The following NPAS3 variants were observed in gnomAD, a reference collection of about 807,000 sequenced individuals.
NPAS3 encodes the protein neuronal PAS domain-containing protein 3.
NPAS3 carries 14 observed loss-of-function variants against 73.1 expected under a neutral mutation model. The ratio of observed to expected loss-of-function variants is 0.19; its 90% CI spans 0.13 to 0.30. NPAS3 has a LOEUF of 0.30. Ranked by LOEUF, NPAS3 falls within the 10% of genes least tolerant of loss-of-function variation. The probability of loss-of-function intolerance (pLI) is 1.00; values close to 1 mark genes in which losing one functional copy is unlikely to be tolerated. For synonymous variants in NPAS3, 620 were observed against 541.5 expected (o/e 1.14, Z -2.01); for missense variants, 1,096 against 1,250.0 (o/e 0.88, Z 1.86).
At chr14:33,618,482 G>A (rs1294228613) in intron 5 of NPAS3, among the ~76,000 whole-genome samples, 1 of 152,074 alleles carries the variant, frequency 6.6e-6, no homozygotes, top group Non-Finnish European at 1.5e-5. Context: ...ATGCTCCTAT[G>A]AAGATCTAAA....
intron 2 of NPAS3, among the ~76,000 whole-genome samples, chr14:33,198,204 T>A (rs933547771): frequency 3.3e-5 from 5 of 152,164 alleles, no homozygotes; most frequent in Non-Finnish European, 7.3e-5. Flanking sequence ...CAGCAAGAGT[T>A]ATTGCAAAGA....
At chr14:33,510,309 C>T (rs1392274267) in intron 4 of NPAS3, among the ~76,000 whole-genome samples, 1 of 152,004 alleles carries the variant, frequency 6.6e-6, no homozygotes, top group Admixed American at 6.6e-5. Flanking sequence ...CAAAACCAGA[C>T]CCCAGGAAAG....
chr14:33,596,845 A>G (rs2057257226), intron 5 of NPAS3, among the ~76,000 whole-genome samples: 1 of 152,178 alleles, frequency 6.6e-6, no homozygotes, highest in African/African-American at 2.4e-5. Flanking sequence ...GTGACAGCAG[A>G]TGGTAGTCAT....
chr14:33,680,199 T>C (rs960960976), intron 6 of NPAS3, among the ~76,000 whole-genome samples: 5 of 152,158 alleles, frequency 3.3e-5, no homozygotes, highest in Non-Finnish European at 5.9e-5. Flanking sequence ...ATCTTTTTCT[T>C]AAATTTCAGT....
chr14:33,502,132 G>A (rs890918712), intron 4 of NPAS3, among the ~76,000 whole-genome samples: 3 of 151,880 alleles, frequency 2.0e-5, no homozygotes, highest in African/African-American at 7.2e-5. Context: ...TAACACCCCA[G>A]GTAGAATACA....
chr14:33,385,757 G>A (rs2046749799), intron 4 of NPAS3, among the ~76,000 whole-genome samples: 1 of 152,156 alleles, frequency 6.6e-6, no homozygotes, highest in African/African-American at 2.4e-5. Flanking sequence ...CTCTGGAGTT[G>A]CACATATGGG....
chr14:33,156,494 G>A (rs1017592182), intron 2 of NPAS3, among the ~76,000 whole-genome samples: 5 of 151,962 alleles, frequency 3.3e-5, no homozygotes, highest in African/African-American at 1.2e-4. Flanking sequence ...TATTCTCTTC[G>A]AACACCTCCT....
chr14:33,387,130 T>C (rs77959902), intron 4 of NPAS3, among the ~76,000 whole-genome samples: 1,748 of 152,298 alleles, frequency 0.011, 7 homozygotes, highest in Middle Eastern at 0.037. Context: ...CTTCATAATT[T>C]TGACTTTGAT....
chr14:33,022,453 A>C (rs1032534388), intron 1 of NPAS3, among the ~76,000 whole-genome samples: 1 of 152,118 alleles, frequency 6.6e-6, no homozygotes, highest in Non-Finnish European at 1.5e-5. Flanking sequence ...TCACGAGGTC[A>C]GGAGATCGAG....
chr14:33,196,650 A>G (rs948645811), intron 2 of NPAS3, among the ~76,000 whole-genome samples: 4 of 152,246 alleles, frequency 2.6e-5, no homozygotes, highest in African/African-American at 9.6e-5. Flanking sequence ...GCACATTGAC[A>G]TAGAATAAAG....
chr14:32,941,073 A>G (rs2139048882), intron 1 of NPAS3, among the ~76,000 whole-genome samples: 1 of 152,216 alleles, frequency 6.6e-6, no homozygotes, highest in African/African-American at 2.4e-5. Context: ...TTCACACTTT[A>G]CTCTTGTAGT....
intron 3 of NPAS3, among the ~76,000 whole-genome samples, chr14:33,339,180 C>G (rs973604289): frequency 2.0e-5 from 3 of 152,124 alleles, no homozygotes; most frequent in African/African-American, 7.2e-5. Context: ...TATTGTTACG[C>G]TAAATGTTAT....
chr14:33,369,404 C>CAACAAAAAAA (rs2045981507), intron 4 of NPAS3, among the ~76,000 whole-genome samples: 1 of 90,890 alleles, frequency 1.1e-5, no homozygotes, highest in African/African-American at 4.4e-5. Context: ...GCCTCATTTC[C>CAACAAAAAAA]AAAAAAAAAA....
At chr14:33,413,182 T>TC (rs1408214941) in intron 4 of NPAS3, among the ~76,000 whole-genome samples, 2 of 152,044 alleles carry the variant, frequency 1.3e-5, no homozygotes, top group African/African-American at 2.4e-5. Context: ...GTGCTTTTTT[T>TC]CCCTCTCTCA....
At chr14:32,964,160 TAAAAAA>T (rs34380538) in intron 1 of NPAS3, among the ~76,000 whole-genome samples, 13 of 75,444 alleles carry the variant, frequency 1.7e-4, no homozygotes, top group African/African-American at 3.8e-4. Flanking sequence ...TTTGCTGCAC[TAAAAAA>T]AAAAAAAAAA....
At chr14:33,738,335 A>G (rs1305191941) in intron 7 of NPAS3, among the ~76,000 whole-genome samples, 1 of 152,190 alleles carries the variant, frequency 6.6e-6, no homozygotes, top group Non-Finnish European at 1.5e-5. Context: ...ATTAAGTCCC[A>G]AGAATGGCTC....
At chr14:33,512,662 C>T (rs1433143307) in intron 4 of NPAS3, among the ~76,000 whole-genome samples, 1 of 152,008 alleles carries the variant, frequency 6.6e-6, no homozygotes, top group Non-Finnish European at 1.5e-5. Context: ...AAGTATTTCT[C>T]TCTTTGTAGA....
intron 3 of NPAS3, among the ~76,000 whole-genome samples, chr14:33,281,829 A>G (rs1476780948): frequency 6.6e-6 from 1 of 152,188 alleles, no homozygotes; most frequent in Non-Finnish European, 1.5e-5. Flanking sequence ...TTTATCTAGT[A>G]GTATGCGTTG....
At chr14:33,703,444 T>C (rs73257042) in intron 6 of NPAS3, among the ~76,000 whole-genome samples, 2,406 of 152,220 alleles carry the variant, frequency 0.016, 56 homozygotes, top group African/African-American at 0.055. Flanking sequence ...CAGTGAGCCA[T>C]GATCATACTG....
Sources: gnomAD v4.1 joint callset for allele counts (sites outside exome capture counted in the v4.1 genomes callset) on GRCh38, gnomAD v4.1.1 for gene constraint, MANE v1.5 for transcripts, NCBI Gene and HGNC (gene_info 2026-07-23, HGNC 2026-07-21) for gene names.